Variants in SAMM50 observed in about 807,000 individuals in gnomAD.
SAMM50 encodes the protein SAMM50 sorting and assembly machinery component, also known as sorting and assembly machinery component 50 homolog.
SAMM50 carries 47 observed loss-of-function variants against 66.9 expected under a neutral mutation model. The ratio of observed to expected loss-of-function variants is 0.70; its 90% confidence interval spans 0.56 to 0.90. SAMM50 has a LOEUF of 0.90. Among genes scored for constraint, SAMM50 ranks in the 40% least tolerant of loss-of-function variants. The pLI is 0.00. For missense variants in SAMM50, 535 were observed against 595.3 expected, an observed-to-expected ratio of 0.90 and a Z score of 1.05; for synonymous variants, 191 against 214.1, an observed-to-expected ratio of 0.89 and a Z score of 0.94.
Position 43,989,162 on chromosome 22 carries a change from C to T in SAMM50, c.1127C>T (p.Thr376Ile), listed in dbSNP as rs897242202. Residue 376 changes from threonine (T) to isoleucine (I), a missense_variant, in exon 13 of 15, where the codon ACC (threonine) becomes ATC (isoleucine). Coordinates refer to ENST00000350028, the MANE Select transcript of SAMM50 (RefSeq NM_015380.5). ...AYWAGGLHLY[T>I]PLPFRPGQGG... ...TGGGCCGGCGGCCTGCACCTCTACA[C>T]CCCATTACCTTTCCGGCCAGGCCAG... 2 of 1,614,160 alleles carry T rather than the reference C, an allele frequency of 1.2e-6. No homozygotes were observed. Among genetic ancestry groups the T allele is most frequent in the Non-Finnish European group, 1.7e-6 (2 of 1,180,012 alleles).
intron 11 of SAMM50, among the ~76,000 whole-genome samples, chr22:43,982,316 A>G (rs1279601163): frequency 6.6e-6 from 1 of 152,388 alleles, no homozygotes; most frequent in East Asian, 1.9e-4. Context: ...AATAGCAAAG[A>G]ATTTGAAACT....
intron 10 of SAMM50, among the ~76,000 whole-genome samples, chr22:43,979,344 C>T (rs1173896014): frequency 6.6e-6 from 1 of 152,204 alleles, no homozygotes; most frequent in African/African-American, 2.4e-5. Context: ...CACCTCATAT[C>T]AACAGAGCTC....
chr22:43,989,076 A>G (rs2050308871), intron 12 of SAMM50, 35 bp from the exon 13 acceptor site: 1 of 1,593,216 alleles, frequency 6.3e-7, no homozygotes, highest in South Asian at 1.1e-5. Flanking sequence ...ACCTTGTCGG[A>G]CCTTGTTTTT....
intron 10 of SAMM50, among the ~76,000 whole-genome samples, chr22:43,979,708 C>T (rs1288364870): frequency 6.6e-6 from 1 of 152,054 alleles, no homozygotes; most frequent in Non-Finnish European, 1.5e-5. Flanking sequence ...ACAAGCCTTA[C>T]CATATCACTT....
intron 10 of SAMM50, 89 bp from the exon 11 acceptor site, chr22:43,981,302 A>T: frequency 1.1e-6 from 1 of 913,744 alleles, no homozygotes; most frequent in Non-Finnish European, 1.8e-6. Flanking sequence ...CGCCACGGGC[A>T]TTCAGTGTGT....
chr22:43,968,902 G>C (rs1242269612), intron 4 of SAMM50, 84 bp downstream of exon 4: 7 of 911,990 alleles, frequency 7.7e-6, no homozygotes, highest in Non-Finnish European at 1.3e-5. Flanking sequence ...GCAGATCTGG[G>C]CAGCAGAGCA....
chr22:43,968,886 C>A, intron 4 of SAMM50, 68 bp downstream of exon 4: 2 of 1,087,088 alleles, frequency 1.8e-6, no homozygotes, highest in Non-Finnish European at 2.8e-6. Context: ...GTTTTTATGG[C>A]CAGATGCAGA....
intron 12 of SAMM50, chr22:43,986,470 A>G (rs908130271): frequency 2.6e-5 from 4 of 152,200 alleles, no homozygotes; most frequent in African/African-American, 4.8e-5. Flanking sequence ...CGTCAGAGGT[A>G]TCTCCACATG....
chr22:43,970,399 T>C (rs1426489632), intron 4 of SAMM50, among the ~76,000 whole-genome samples: 1 of 152,200 alleles, frequency 6.6e-6, no homozygotes, highest in Non-Finnish European at 1.5e-5. Flanking sequence ...CTAGGGTCCC[T>C]GAGTCCCTCT....
At chr22:43,978,432 C>CAAAA (rs71313377) in intron 10 of SAMM50, among the ~76,000 whole-genome samples, 2,037 of 69,060 alleles carry the variant, frequency 0.029, 243 homozygotes, top group African/African-American at 0.11. Flanking sequence ...GACTCCTTCT[C>CAAAA]AAAAAAAAAA....
At chr22:43,976,230 A>C in intron 8 of SAMM50, 47 bp downstream of exon 8, 1 of 1,575,252 alleles carries the variant, frequency 6.3e-7, no homozygotes, top group Non-Finnish European at 8.7e-7. Flanking sequence ...TGATGGAACC[A>C]TGCTATGCAT....
chr22:43,957,965 G>T (rs1056566017), intron 1 of SAMM50, among the ~76,000 whole-genome samples: 2 of 151,838 alleles, frequency 1.3e-5, no homozygotes, highest in Non-Finnish European at 2.9e-5. Flanking sequence ...CTGTTAGCTA[G>T]GATGGTCTCG....
chr22:43,958,231 C>T (rs738491), intron 1 of SAMM50, among the ~76,000 whole-genome samples: 52,667 of 152,060 alleles, frequency 0.35, 9,417 homozygotes, highest in East Asian at 0.49. Flanking sequence ...GTGCCATTTC[C>T]TTTGGTGCCA....
Position 43,972,940 on chromosome 22 carries a change from A to G in SAMM50, c.499A>G (p.Thr167Ala), listed in dbSNP as rs2050211316. 1.9e-6 allele frequency: 3 copies of G among 1,602,150 alleles called. No individual in the cohort carries two copies. Among genetic ancestry groups the G allele is most frequent in the East Asian group, 4.5e-5 (2 of 44,854 alleles). ...EKVTFQFSYG[T>A]KETSYGLSFF... Reference sequence around the variant, plus strand: ...GGTGACCTTTCAGTTTTCCTATGGAACAAAAGAAACTTCGTATGGCCTGTC... The same window carrying G: ...GGTGACCTTTCAGTTTTCCTATGGAGCAAAAGAAACTTCGTATGGCCTGTC... Residue 167 changes from threonine to alanine, a missense_variant, in exon 6 of 15, where the codon ACA (threonine) becomes GCA (alanine). By Grantham distance (58) the Thr-to-Ala change is moderately conservative (BLOSUM62 0). Coordinates refer to ENST00000350028, the MANE Select transcript of SAMM50 (RefSeq NM_015380.5).
Position 43,966,247 on chromosome 22 carries a change from CTG to C in SAMM50, c.234+1698_234+1699del, listed in dbSNP as rs1165653935. Among the ~76,000 whole-genome samples, 3 of 152,288 alleles carry C rather than the reference CTG, an allele frequency of 2.0e-5. No individual in the cohort carries two copies. The East Asian group carries it at 5.8e-4, about 29-fold the overall frequency. The stretch of plus-strand genomic sequence containing the variant: ...CTTAGTGTGTCTTTGTGTACATTGA[CTG>C]TGTTTTAGGATAAATTCCTGGAAGT... On this transcript the variant is annotated intron_variant, in intron 3 of 14. Coordinates refer to ENST00000350028, the MANE Select transcript of SAMM50 (RefSeq NM_015380.5).
intron 9 of SAMM50, 51 bp from the exon 10 acceptor site, chr22:43,977,821 C>T (rs2050240635): frequency 8.3e-7 from 1 of 1,207,432 alleles, no homozygotes; most frequent in Non-Finnish European, 1.2e-6. Flanking sequence ...TTCTGTAGCC[C>T]CTGTAATAAG....
chr22:43,961,982 ATGTGTGTGTGTGTGTGTC>A (rs2050149126), intron 1 of SAMM50, among the ~76,000 whole-genome samples: 1 of 151,132 alleles, frequency 6.6e-6, no homozygotes, highest in African/African-American at 2.4e-5. Context: ...TCAAGTGATT[ATGTGTGTGTGTGTGTGTC>A]TGTGTGTGTG....
Position 43,968,774 on chromosome 22 carries a change from T to C in SAMM50, c.278T>C (p.Leu93Pro). The C allele has an allele frequency of 6.2e-7, 1 of 1,613,700 alleles. No homozygotes were observed. Among genetic ancestry groups the C allele is most frequent in the Non-Finnish European group, 8.5e-7 (1 of 1,179,540 alleles). Residue 93 changes from leucine (L) to proline (P), a missense_variant, in exon 4 of 15, where the codon CTT becomes CCT. Coordinates refer to ENST00000350028, the MANE Select transcript of SAMM50 (RefSeq NM_015380.5). ...GAAGCCCGTGAAAAATTGCTCCGTC[T>C]TGGAATTTTTAGACAAGTGGATGTT... ...SHEAREKLLR[L>P]GIFRQVDVLI...
rs955671231 is a variant in SAMM50, at chr22:43,983,145, C to T, written c.1008-788C>T. On this transcript the variant is annotated intron_variant, in intron 11 of 14. Coordinates refer to ENST00000350028, the MANE Select transcript of SAMM50 (RefSeq NM_015380.5). The surrounding 1 kb of genome is among the most constrained non-coding windows in gnomAD (Gnocchi z 4.2). Reference sequence around the variant, plus strand: ...CCTGTTCCCTTTGTGCTGTTGCAGACCTGCAGGGTGTTCTTAGCCTCCCGC... The same window carrying T: ...CCTGTTCCCTTTGTGCTGTTGCAGATCTGCAGGGTGTTCTTAGCCTCCCGC... 3.3e-5 allele frequency among the ~76,000 whole-genome samples: 5 copies of T among 152,214 alleles called. No homozygotes were observed. Among genetic ancestry groups the T allele is most frequent in the African/African-American group, 9.6e-5 (4 of 41,454 alleles).
Sources: allele counts gnomAD v4.1 joint callset (sites outside exome capture counted in the v4.1 genomes callset), GRCh38; gene constraint gnomAD v4.1.1; non-coding constraint Gnocchi (gnomAD v3.1); transcripts MANE v1.5; gene names NCBI Gene and HGNC (gene_info 2026-07-23, HGNC 2026-07-21).